The following RAB5B variants were observed in gnomAD, a reference collection of about 807,000 sequenced individuals.
The protein encoded by RAB5B is RAB5B, member RAS oncogene family, also known as ras-related protein Rab-5B.
Under a neutral mutation model 28.6 loss-of-function variants are expected in RAB5B, and 11 were observed. The observed-to-expected ratio is 0.38, with a 90% CI of 0.24 to 0.64. The LOEUF (loss-of-function observed/expected upper bound fraction) is 0.64, where lower values mean the gene tolerates loss of function less well. Ranked by LOEUF, RAB5B falls within the 30% of genes least tolerant of loss-of-function variation. RAB5B has a pLI of 0.53. For missense variants in RAB5B, 169 were observed against 265.6 expected (o/e 0.64, Z 2.53); for synonymous variants, 93 against 97.9 (o/e 0.95, Z 0.29).
At chr12:55,978,257 T>C (rs1462970446) in intron 1 of RAB5B, among the ~76,000 whole-genome samples, 1 of 152,154 alleles carries the variant, frequency 6.6e-6, no homozygotes, top group Non-Finnish European at 1.5e-5. Context: ...CCCAGCACTT[T>C]GGGAGGCTGA....
chr12:55,979,066 C>G (rs1176240105), intron 1 of RAB5B, among the ~76,000 whole-genome samples: 1 of 152,094 alleles, frequency 6.6e-6, no homozygotes, highest in African/African-American at 2.4e-5. Context: ...CGCCACCACA[C>G]CTGGCCAGAA....
At chr12:55,985,128 A>G (rs1273160810) in intron 1 of RAB5B, among the ~76,000 whole-genome samples, 1 of 152,224 alleles carries the variant, frequency 6.6e-6, no homozygotes, top group Non-Finnish European at 1.5e-5. Flanking sequence ...GAATGCACAC[A>G]TATATTTAGT....
Position 55,991,348 on chromosome 12 carries a change from C to T in RAB5B, c.439-12C>T, listed in dbSNP as rs1178832953. Reference sequence around the variant, plus strand: ...CTACATTCTGAGCACTAATACATCCCACTCCTTGCAGGAGGCCCAGGCATA... The same window carrying T: ...CTACATTCTGAGCACTAATACATCCTACTCCTTGCAGGAGGCCCAGGCATA... On this transcript the variant is annotated splice_polypyrimidine_tract_variant and intron_variant, in intron 4 of 5. Transcript: ENST00000360299. 4.4e-6 allele frequency: 7 copies of T among 1,603,272 alleles called. No homozygotes were observed. The highest frequency in any genetic ancestry group is 2.2e-5 in the South Asian group (2 of 90,856).
intron 1 of RAB5B, chr12:55,979,360 A>T: frequency 6.6e-6 from 1 of 152,170 alleles, no homozygotes; most frequent in East Asian, 1.9e-4. Context: ...ATTTAATCCA[A>T]TGACTCATTA....
chr12:55,991,281 G>A (rs1565789970), intron 4 of RAB5B, 79 bp from the exon 5 acceptor site: 4 of 1,118,522 alleles, frequency 3.6e-6, no homozygotes, highest in Non-Finnish European at 5.4e-6. Context: ...TTGCCTAGCT[G>A]TTGTGCTGCA....
intron 1 of RAB5B, chr12:55,981,089 G>A (rs991378395): frequency 1.1e-4 from 171 of 1,487,852 alleles, no homozygotes; most frequent in Admixed American, 3.6e-4. Flanking sequence ...TTTTTGAGAC[G>A]GAATCGCTCT....
In RAB5B at chr12:55,992,701, T is replaced by G. The variant is rs2136493453; in HGVS notation, c.*489T>G. 1 of 371,888 alleles carries G rather than the reference T, an allele frequency of 2.7e-6. No individual in the cohort carries two copies. Among genetic ancestry groups the G allele is most frequent in the Non-Finnish European group, 5.1e-6 (1 of 196,768 alleles). The allele number at this position is 371,888 out of a possible 1,614,324, so 23.0% of individuals were successfully genotyped here. A position where few individuals can be genotyped will look rare whatever the true frequency, so the allele number is the denominator to read the frequency against. On this transcript the variant is annotated 3_prime_UTR_variant, in exon 6 of 6. Coordinates refer to ENST00000360299, the MANE Select transcript of RAB5B (RefSeq NM_002868.4). ...TCCAGTTCATTTACATTAAGGGCCC[T>G]GGGGGAGAATAAAGCTCAGAGCAGG... is the stretch of plus-strand genomic sequence containing the variant.
chr12:55,978,339 C>A (rs1326350669), intron 1 of RAB5B, among the ~76,000 whole-genome samples: 8 of 151,732 alleles, frequency 5.3e-5, no homozygotes, highest in Admixed American at 5.2e-4. Context: ...CTCTACTAAA[C>A]AAAATACAAA....
chr12:55,975,650 A>G (rs1342079718), intron 1 of RAB5B, among the ~76,000 whole-genome samples: 4 of 151,408 alleles, frequency 2.6e-5, no homozygotes, highest in African/African-American at 9.7e-5. Context: ...AAAGCAGAGG[A>G]GTGGAGTACC....
At position 55,978,039 on chromosome 12, in the gene RAB5B, T is replaced by A. The variant is rs951003130; in HGVS notation, c.-93+3900T>A. 1.6e-4 allele frequency among the ~76,000 whole-genome samples: 25 copies of A among 152,132 alleles called. 2 individuals are homozygous for A. The highest frequency in any genetic ancestry group is 2.9e-5 in the Non-Finnish European group (2 of 68,026). On this transcript the variant is annotated intron_variant, in intron 1 of 5. Transcript: ENST00000360299. Reference sequence around the variant, plus strand: ...AGTGTTTGGGTGGGAGGGCCACATATTGGGTGTGATTAGGCCATCTGAGGC... The same window carrying A: ...AGTGTTTGGGTGGGAGGGCCACATAATGGGTGTGATTAGGCCATCTGAGGC...
At chr12:55,985,646 T>A (rs1416584022) in intron 1 of RAB5B, 1 of 454,994 alleles carries the variant, frequency 2.2e-6, no homozygotes, top group Non-Finnish European at 4.4e-6. Flanking sequence ...ATTCAGTGTA[T>A]TCTTTCATCA....
chr12:55,979,091 C>T (rs1274345824), intron 1 of RAB5B, among the ~76,000 whole-genome samples: 2 of 152,046 alleles, frequency 1.3e-5, no homozygotes, highest in Non-Finnish European at 2.9e-5. Context: ...AGTCTTAATA[C>T]TGTGGGACCC....
At chr12:55,983,860 A>C (rs1042714760) in intron 1 of RAB5B, among the ~76,000 whole-genome samples, 2 of 151,470 alleles carry the variant, frequency 1.3e-5, no homozygotes, top group Admixed American at 1.3e-4. Context: ...CAGTCTCGCT[A>C]TGTTGCCTAG....
chr12:55,990,938 A>G, intron 4 of RAB5B, 134 bp downstream of exon 4: 1 of 1,157,872 alleles, frequency 8.6e-7, no homozygotes. Context: ...ACCAAGTTAA[A>G]TACAGCAACA....
intron 1 of RAB5B, 106 bp from the exon 2 acceptor site, chr12:55,986,763 A>G (rs1889961902): frequency 1.7e-6 from 1 of 602,152 alleles, no homozygotes; most frequent in Non-Finnish European, 3.0e-6. Context: ...TCTCAGAGCT[A>G]AGTCCTCATA....
In RAB5B at chr12:55,996,003, A is replaced by ATTTTTTTTTTTTTTTTTTT. The variant is rs56291639; in HGVS notation, c.*3801_*3802insTTTTTTTTTTTTTTTTTTT. 12 of 97,368 alleles carry ATTTTTTTTTTTTTTTTTTT rather than the reference A, an allele frequency of 1.2e-4. No individual in the cohort carries two copies. The highest frequency in any genetic ancestry group is 5.2e-4 in the African/African-American group (11 of 21,114). The allele number at this position is 97,368 out of a possible 1,614,324, so 6.0% of individuals were successfully genotyped here. ...TATATACATATATATATATATATAT[A>ATTTTTTTTTTTTTTTTTTT]TTTTTTTTTTAACAACTGGTAGGAT... On this transcript the variant is annotated 3_prime_UTR_variant, in exon 6 of 6. Coordinates refer to ENST00000360299, the MANE Select transcript of RAB5B (RefSeq NM_002868.4).
chr12:55,975,318 A>G (rs1372619748), intron 1 of RAB5B, among the ~76,000 whole-genome samples: 2 of 152,188 alleles, frequency 1.3e-5, no homozygotes, highest in Non-Finnish European at 2.9e-5. Flanking sequence ...ACTGAGGAAG[A>G]GATTTGGGGA....
At chr12:55,984,957 A>G (rs1383599942) in intron 1 of RAB5B, among the ~76,000 whole-genome samples, 3 of 152,222 alleles carry the variant, frequency 2.0e-5, no homozygotes, top group Non-Finnish European at 4.4e-5. Flanking sequence ...TTTATATCAT[A>G]TTAGTAATGA....
At position 55,995,858 on chromosome 12, in the gene RAB5B, C is replaced by CT. The variant is rs1393193330; in HGVS notation, c.*3647dup. The CT allele has an allele frequency of 6.7e-6, 1 of 149,960 alleles. No homozygotes were observed. The highest frequency in any genetic ancestry group is 1.5e-5 in the Non-Finnish European group (1 of 67,676). 9.3% of individuals were successfully genotyped at this position (149,960 alleles called of 1,614,324 possible). On this transcript the variant is annotated 3_prime_UTR_variant, in exon 6 of 6. Transcript: ENST00000360299. ...AAGGAGGCTTTTAGATAGTCCCTAA[C>CT]TGACTTCTCTGTATCTTCCTTTGGC...
Sources: allele counts gnomAD v4.1 joint callset (sites outside exome capture counted in the v4.1 genomes callset), GRCh38; gene constraint gnomAD v4.1.1; transcripts MANE v1.5; gene names NCBI Gene and HGNC (gene_info 2026-07-23, HGNC 2026-07-21).